AHRR: variants seen among roughly 807,000 people sequenced by gnomAD.
The protein encoded by AHRR is aryl hydrocarbon receptor repressor.
AHRR carries 28 observed loss-of-function variants against 44.0 expected under a neutral mutation model. The observed-to-expected ratio is 0.64, with a 90% CI of 0.47 to 0.87. AHRR has a LOEUF of 0.87. AHRR is among the 40% of genes least tolerant of loss of function. The pLI, the probability that AHRR is intolerant of heterozygous loss-of-function variation, is 0.00. For missense variants in AHRR, 990 were observed against 953.9 expected (o/e 1.04, Z -0.50); for synonymous variants, 434 against 407.0 (o/e 1.07, Z -0.80).
chr5:375,652 C>T (rs545774284), intron 3 of AHRR, among the ~76,000 whole-genome samples: 12 of 152,346 alleles, frequency 7.9e-5, no homozygotes, highest in East Asian at 1.9e-4. Flanking sequence ...GCTGAGGATC[C>T]GGGAGACGCG....
rs1447871658 is a variant in AHRR at position 434,209 on chromosome 5, A to G, written c.1469A>G (p.His490Arg). 1.3e-6 allele frequency: 2 copies of G among 1,590,104 alleles called. No homozygotes were observed. Among genetic ancestry groups the G allele is most frequent in the South Asian group, 2.3e-5 (2 of 86,386 alleles). The stretch of plus-strand genomic sequence containing the variant: ...CACTTTCCCCAGAGGAGCCTGCAGC[A>G]CCAGCTCCCTCAGCCTGGAGCTCAG... The part of the protein sequence containing the change: ...LCHFPQRSLQ[H>R]QLPQPGAQRF... The change falls in exon 11 of 11, where the codon CAC becomes CGC. Residue 490 changes from histidine to arginine, a missense_variant. Transcript: ENST00000684583.
chr5:325,074 C>T (rs1446351487), intron 1 of AHRR, among the ~76,000 whole-genome samples: 1 of 152,196 alleles, frequency 6.6e-6, no homozygotes, highest in South Asian at 2.1e-4. Context: ...ACGAGGCTTC[C>T]GTCTCAATTC....
chr5:413,507 T>C, intron 5 of AHRR, 74 bp downstream of exon 5: 1 of 1,184,668 alleles, frequency 8.4e-7, no homozygotes, highest in Non-Finnish European at 1.2e-6. Context: ...TTTGTTGTCG[T>C]CAAGGTTTGA....
At chr5:401,208 A>G (rs574956755) in intron 4 of AHRR, among the ~76,000 whole-genome samples, 3 of 152,224 alleles carry the variant, frequency 2.0e-5, no homozygotes, top group Non-Finnish European at 4.4e-5. Context: ...CCTAAATCCA[A>G]GGGGAGGGAG....
At position 405,738 on chromosome 5, in the gene AHRR, T is replaced by C. The variant is rs987385837; in HGVS notation, c.352-7606T>C. ...CGCTCTCTCCATCGGTCGTAACATC[T>C]TACTGCTCCCCTCGCAGACTGTTGA... On this transcript the variant is annotated intron_variant, in intron 4 of 10. Transcript: ENST00000684583. The surrounding 1 kb of genome is among the most constrained non-coding windows in gnomAD (Gnocchi z 4.5). Among the ~76,000 whole-genome samples, 23 of 152,238 alleles carry C rather than the reference T, an allele frequency of 1.5e-4. No individual in the cohort carries two copies. Among genetic ancestry groups the C allele is most frequent in the African/African-American group, 5.5e-4 (23 of 41,468 alleles).
intron 1 of AHRR, among the ~76,000 whole-genome samples, chr5:332,354 G>A (rs923308143): frequency 6.4e-5 from 9 of 140,976 alleles, no homozygotes; most frequent in Non-Finnish European, 9.0e-5. Flanking sequence ...CACAACCTCC[G>A]CCTCCTGGGT....
At position 398,369 on chromosome 5, in the gene AHRR, G is replaced by A. The variant is rs549096477; in HGVS notation, c.352-14975G>A. On this transcript the variant is annotated intron_variant, in intron 4 of 10. Coordinates refer to ENST00000684583, the MANE Select transcript of AHRR (RefSeq NM_001377236.1). ...CGTACACCTTAGCCCCTGATTGTCC[G>A]CATTAGCCCCGACTGTCTGGTTAGC... Among the ~76,000 whole-genome samples the A allele has an allele frequency of 6.0e-5, 9 of 150,326 alleles. No individual in the cohort carries two copies. In the South Asian group the frequency reaches 1.3e-3, roughly 21 times the overall value.
chr5:381,884 T>C (rs1734002520), intron 4 of AHRR, among the ~76,000 whole-genome samples: 1 of 152,222 alleles, frequency 6.6e-6, no homozygotes, highest in Admixed American at 6.5e-5. Context: ...CCTTGTTTTC[T>C]GAGAGCTCTT....
intron 1 of AHRR, among the ~76,000 whole-genome samples, chr5:334,275 GT>G (rs1312171108): frequency 6.6e-6 from 1 of 152,086 alleles, no homozygotes; most frequent in Non-Finnish European, 1.5e-5. Context: ...AACTTGGCAG[GT>G]TTTCATATAT....
At chr5:333,333 C>T (rs868770798) in intron 1 of AHRR, among the ~76,000 whole-genome samples, 2 of 152,222 alleles carry the variant, frequency 1.3e-5, no homozygotes, top group Admixed American at 6.5e-5. Flanking sequence ...TGGTAGCTTA[C>T]GCCTGTAATC....
chr5:342,482 T>C lies in AHRR; in HGVS notation c.-10-1411T>C, dbSNP rs1742379527. On this transcript the variant is annotated intron_variant, in intron 1 of 10. Transcript: ENST00000684583. The surrounding 1 kb of genome is among the most constrained non-coding windows in gnomAD (Gnocchi z 4.3). ...TCTGGGACTCATACAGCTGCTTCAT[T>C]TGATTAACGTTTGCATGTTGTATCT... Among the ~76,000 whole-genome samples the C allele has an allele frequency of 6.6e-6, 1 of 152,240 alleles. No homozygotes were observed. The highest frequency in any genetic ancestry group is 1.5e-5 in the Non-Finnish European group (1 of 68,048).
chr5:359,454 C>T (rs1320325193), intron 3 of AHRR, among the ~76,000 whole-genome samples: 2 of 152,240 alleles, frequency 1.3e-5, no homozygotes, highest in Admixed American at 6.5e-5. Context: ...CACCTCTATG[C>T]GTAGGGCCGG....
intron 2 of AHRR, among the ~76,000 whole-genome samples, chr5:347,538 A>C (rs542567035): frequency 3.9e-5 from 6 of 152,362 alleles, no homozygotes; most frequent in Non-Finnish European, 8.8e-5. Flanking sequence ...AGAGGAAAAA[A>C]GAGGGAAAAA....
At position 432,874 on chromosome 5, in the gene AHRR, G is replaced by T; in HGVS notation, c.1039G>T (p.Val347Phe). 6.2e-7 allele frequency: 1 copy of T among 1,613,752 alleles called. No individual in the cohort carries two copies. The highest frequency in any genetic ancestry group is 8.5e-7 in the Non-Finnish European group (1 of 1,180,024). ...EQTDAGRWAQVPARAPCLCLR... is the reference protein window; with the variant it reads ...EQTDAGRWAQFPARAPCLCLR... ...GACTGACGCTGGCCGATGGGCACAG[G>T]TTCCCGCCAGGGCCCCATGCCTGTG... is the stretch of plus-strand genomic sequence containing the variant. The change falls in exon 10 of 11, where the codon GTT becomes TTT. Residue 347 changes from valine to phenylalanine, a missense_variant. By Grantham distance (50) the Val-to-Phe change is conservative (BLOSUM62 -1). Coordinates refer to ENST00000684583, the MANE Select transcript of AHRR (RefSeq NM_001377236.1).
intron 4 of AHRR, among the ~76,000 whole-genome samples, chr5:396,601 T>C (rs962340142): frequency 4.6e-5 from 7 of 152,202 alleles, no homozygotes; most frequent in African/African-American, 1.7e-4. Context: ...TTTTACCGTC[T>C]GTTGTAGCTG....
At chr5:335,774 A>T (rs2672747) in intron 1 of AHRR, among the ~76,000 whole-genome samples, 101,203 of 152,188 alleles carry the variant, frequency 0.66, 34,321 homozygotes, top group African/African-American at 0.74. Flanking sequence ...ACAAAAGCTG[A>T]TCCATCAGCC....
chr5:408,386 T>TTG (rs943619753), intron 4 of AHRR, among the ~76,000 whole-genome samples: 4 of 152,098 alleles, frequency 2.6e-5, no homozygotes, highest in African/African-American at 9.7e-5. Flanking sequence ...CTGAGCCTTT[T>TTG]TTTTTTTCAG....
chr5:397,680 TGTAGCCCCTGACCATCCAC>T (rs1734795845), intron 4 of AHRR, among the ~76,000 whole-genome samples: 2 of 78,118 alleles, frequency 2.6e-5, no homozygotes, highest in Non-Finnish European at 4.9e-5. Context: ...TGACCATCCA[TGTAGCCCCTGACCATCCAC>T]GTAGCCCCTG....
In AHRR at chr5:415,768, C is replaced by T. The variant is rs964885694; in HGVS notation, c.441+2335C>T. On this transcript the variant is annotated intron_variant, in intron 5 of 10. Coordinates refer to ENST00000684583, the MANE Select transcript of AHRR (RefSeq NM_001377236.1). ...GCAGGCAGTGGAAGCCACGAACCAC[C>T]CCGCTCGCCCACACTAGTCCCTGAC... Among the ~76,000 whole-genome samples the T allele has an allele frequency of 3.9e-5, 6 of 152,048 alleles. No homozygotes were observed. The East Asian group carries it at 1.2e-3, about 29-fold the overall frequency.
Sources: allele counts gnomAD v4.1 joint callset (sites outside exome capture counted in the v4.1 genomes callset), GRCh38; gene constraint gnomAD v4.1.1; non-coding constraint Gnocchi (gnomAD v3.1); transcripts MANE v1.5; gene names NCBI Gene and HGNC (gene_info 2026-07-23, HGNC 2026-07-21).